CACNG4: variants seen among roughly 807,000 people sequenced by gnomAD.
CACNG4 encodes the protein voltage-dependent calcium channel gamma-4 subunit.
In CACNG4, 8 loss-of-function variants were observed where a neutral mutation model predicts 22.9. The observed-to-expected ratio is 0.35, with a 90% CI of 0.21 to 0.63. CACNG4 has a LOEUF of 0.63. Ranked by LOEUF, CACNG4 falls within the 30% of genes least tolerant of loss-of-function variation. The probability of loss-of-function intolerance (pLI) is 0.72; values close to 1 mark genes in which losing one functional copy is unlikely to be tolerated. For missense variants in CACNG4, 357 were observed against 455.4 expected (o/e 0.78, Z 1.97); for synonymous variants, 188 against 191.9 (o/e 0.98, Z 0.17).
At chr17:67,011,509 C>T (rs9905988) in intron 1 of CACNG4, among the ~76,000 whole-genome samples, 4,361 of 152,238 alleles carry the variant, frequency 0.029, 153 homozygotes, top group African/African-American at 0.082. Context: ...GTCAACAGCC[C>T]GCCTTGCCCT....
intron 1 of CACNG4, among the ~76,000 whole-genome samples, chr17:66,967,471 A>C (rs559740233): frequency 6.6e-6 from 1 of 152,214 alleles, no homozygotes; most frequent in African/African-American, 2.4e-5. Context: ...ACAGCTCTCA[A>C]CCACCTGACA....
At chr17:67,014,334 C>T (rs887415048) in intron 1 of CACNG4, among the ~76,000 whole-genome samples, 4 of 152,134 alleles carry the variant, frequency 2.6e-5, no homozygotes, top group Non-Finnish European at 4.4e-5. Flanking sequence ...CCAGCGCTAA[C>T]GAAATTAAAT....
intron 1 of CACNG4, among the ~76,000 whole-genome samples, chr17:66,965,819 C>T (rs1416775502): frequency 6.6e-6 from 1 of 152,104 alleles, no homozygotes; most frequent in East Asian, 1.9e-4. Context: ...TCGTCTCCCA[C>T]GGAGTCACCG....
At chr17:66,994,345 A>AC (rs71293577) in intron 1 of CACNG4, among the ~76,000 whole-genome samples, 2 of 151,222 alleles carry the variant, frequency 1.3e-5, no homozygotes, top group Non-Finnish European at 3.0e-5. Flanking sequence ...AAAAAAAAAA[A>AC]CTGCGCCTCC....
chr17:66,994,096 C>G (rs933088660), intron 1 of CACNG4, among the ~76,000 whole-genome samples: 5 of 151,860 alleles, frequency 3.3e-5, no homozygotes, highest in African/African-American at 1.2e-4. Flanking sequence ...TTTGGGAGGC[C>G]GAGGTGAGAG....
chr17:67,032,112 T>G lies in CACNG4; in HGVS notation c.*1108T>G, dbSNP rs1310057339. On this transcript the variant is annotated 3_prime_UTR_variant, in exon 4 of 4. Coordinates refer to ENST00000262138, the MANE Select transcript of CACNG4 (RefSeq NM_014405.4). ...TAGCAGCAACTGGCCCCACAACTCC[T>G]GTCATTGTAAGTTATTCTGCCACCA... 2.5e-6 allele frequency: 1 copy of G among 400,042 alleles called. No homozygotes were observed. The highest frequency in any genetic ancestry group is 5.0e-6 in the Non-Finnish European group (1 of 201,708). The allele number at this position is 400,042 out of a possible 1,614,324, so 24.8% of individuals were successfully genotyped here.
chr17:66,972,611 A>G (rs1187108001), intron 1 of CACNG4, among the ~76,000 whole-genome samples: 1 of 152,112 alleles, frequency 6.6e-6, no homozygotes, highest in East Asian at 1.9e-4. Flanking sequence ...CTGGAATTCC[A>G]GTCACTTCAC....
intron 1 of CACNG4, among the ~76,000 whole-genome samples, chr17:67,012,318 C>G (rs950933093): frequency 6.6e-6 from 1 of 152,216 alleles, no homozygotes; most frequent in African/African-American, 2.4e-5. Context: ...GCCTCTTTCT[C>G]CATCTTCAAA....
chr17:66,970,313 T>A (rs1228145821), intron 1 of CACNG4, among the ~76,000 whole-genome samples: 1 of 152,038 alleles, frequency 6.6e-6, no homozygotes, highest in Non-Finnish European at 1.5e-5. Context: ...GTTGTTGGAG[T>A]CAGCTTGGGC....
chr17:66,982,081 G>A (rs546693004), intron 1 of CACNG4, among the ~76,000 whole-genome samples: 1 of 152,326 alleles, frequency 6.6e-6, no homozygotes, highest in African/African-American at 2.4e-5. Context: ...CGTTTGCGGT[G>A]AGTGTTACAG....
chr17:67,016,175 G>A (rs1478940734), intron 1 of CACNG4, among the ~76,000 whole-genome samples: 4 of 152,188 alleles, frequency 2.6e-5, no homozygotes, highest in Non-Finnish European at 5.9e-5. Flanking sequence ...GTATGACGTG[G>A]TGTAATTCTC....
rs879731623 is a variant in CACNG4 at position 66,992,162 on chromosome 17, G to T, written c.221-26027G>T. 6.2e-3 allele frequency among the ~76,000 whole-genome samples: 189 copies of T among 30,720 alleles called. 2 individuals carry two copies. The highest frequency in any genetic ancestry group is 9.0e-3 in the Admixed American group (39 of 4,356). The allele number at this position is 30,720 out of a possible 152,430, so 20.2% of individuals were successfully genotyped here. ...ACCTGGTTGCTCCGCCAAGCTCCTG[G>T]GGGGGGGGGGCTGTGATGCCTCCTT... is the stretch of plus-strand genomic sequence containing the variant. On this transcript the variant is annotated intron_variant, in intron 1 of 3. Transcript: ENST00000262138.
chr17:67,026,889 T>C (rs1430598090), intron 3 of CACNG4, among the ~76,000 whole-genome samples: 1 of 146,596 alleles, frequency 6.8e-6, no homozygotes, highest in East Asian at 2.2e-4. Flanking sequence ...CTTCCCTTCT[T>C]CCCCCCACCT....
intron 1 of CACNG4, among the ~76,000 whole-genome samples, chr17:66,994,327 C>A (rs866191036): frequency 1.3e-3 from 160 of 125,600 alleles, no homozygotes; most frequent in Middle Eastern, 0.012. Flanking sequence ...ACCCTATTTC[C>A]AAAAAAAAAA....
Position 67,030,744 on chromosome 17 carries a change from C to A in CACNG4, c.724C>A (p.Arg242Ser). ...RMPSYRYRRR[R>S]SRSSSRSTEA... ...GCCGAGCTACAGGTACCGGCGACGG[C>A]GCTCGAGGTCCAGCTCAAGGTCCAC... is the stretch of plus-strand genomic sequence containing the variant. Residue 242 changes from arginine (R) to serine (S), a missense_variant, in exon 4 of 4, where the codon CGC (arginine) becomes AGC (serine). Arg to Ser is a moderately radical substitution (Grantham distance 110). Around this residue, in one of 3 missense-constraint regions of CACNG4, gnomAD observed 240 missense variants for 277.6 expected, o/e 0.86. Coordinates refer to ENST00000262138, the MANE Select transcript of CACNG4 (RefSeq NM_014405.4). The surrounding 1 kb of genome is among the most constrained non-coding windows in gnomAD (Gnocchi z 6.4). The A allele has an allele frequency of 6.2e-7, 1 of 1,614,224 alleles. No individual in the cohort carries two copies. Among genetic ancestry groups the A allele is most frequent in the Non-Finnish European group, 8.5e-7 (1 of 1,180,046 alleles).
At chr17:66,994,915 C>A (rs752412723) in intron 1 of CACNG4, among the ~76,000 whole-genome samples, 1 of 152,084 alleles carries the variant, frequency 6.6e-6, no homozygotes, top group Non-Finnish European at 1.5e-5. Flanking sequence ...TGGAGCCATT[C>A]GCCCCCTTGA....
At chr17:67,020,205 C>G (rs2143359415) in intron 2 of CACNG4, 2 of 152,452 alleles carry the variant, frequency 1.3e-5, no homozygotes, top group South Asian at 4.1e-4. Context: ...CTCCAAAAGC[C>G]AGAGGCGGAA....
In CACNG4 at chr17:66,989,714, A is replaced by G. The variant is rs773725721; in HGVS notation, c.220+24583A>G. Reference sequence around the variant, plus strand: ...AAGAGGGGGTAGCCTCAAATAAAAGAAAGTTGATTTTGTTAGCAACGGTGT... The same window carrying G: ...AAGAGGGGGTAGCCTCAAATAAAAGGAAGTTGATTTTGTTAGCAACGGTGT... On this transcript the variant is annotated intron_variant, in intron 1 of 3. Transcript: ENST00000262138. 1.3e-4 allele frequency among the ~76,000 whole-genome samples: 19 copies of G among 151,458 alleles called. 1 individual carries two copies. The highest frequency in any genetic ancestry group is 1.9e-4 in the Non-Finnish European group (13 of 68,002).
chr17:66,965,200 GCGCGCGCGCGCGCACACA>G, intron 1 of CACNG4, 69 bp downstream of exon 1: 1 of 615,758 alleles, frequency 1.6e-6, no homozygotes, highest in South Asian at 3.4e-5. Flanking sequence ...ACACACGCGC[GCGCGCGCGCGCGCACACA>G]CACACACGCG....
Sources: allele counts gnomAD v4.1 joint callset (sites outside exome capture counted in the v4.1 genomes callset), GRCh38; gene constraint gnomAD v4.1.1; regional missense constraint gnomAD v4.1.1; non-coding constraint Gnocchi (gnomAD v3.1); transcripts MANE v1.5; gene names NCBI Gene and HGNC (gene_info 2026-07-23, HGNC 2026-07-21).